RAVER2: variants seen among roughly 807,000 people sequenced by gnomAD.
The protein encoded by RAVER2 is ribonucleoprotein, PTB binding 2, also known as ribonucleoprotein PTB-binding 2.
RAVER2 carries 46 observed loss-of-function variants against 78.1 expected under a neutral mutation model. That is an observed-to-expected ratio of 0.59 (90% CI 0.46 to 0.75). The LOEUF is 0.75. Ranked by LOEUF, RAVER2 falls within the 30% of genes least tolerant of loss-of-function variation. The probability of loss-of-function intolerance (pLI) is 0.00; values close to 1 mark genes in which losing one functional copy is unlikely to be tolerated. For missense variants in RAVER2, 793 were observed against 837.5 expected, an observed-to-expected ratio of 0.95 and a Z score of 0.66; for synonymous variants, 311 against 313.3, an observed-to-expected ratio of 0.99 and a Z score of 0.08.
intron 4 of RAVER2, among the ~76,000 whole-genome samples, chr1:64,786,909 T>C (rs986400154): frequency 2.6e-5 from 4 of 152,256 alleles, no homozygotes; most frequent in African/African-American, 4.8e-5. Context: ...CTTCAGTTTC[T>C]TTATCTATAG....
intron 1 of RAVER2, among the ~76,000 whole-genome samples, chr1:64,755,607 T>C (rs1216561552): frequency 6.6e-6 from 1 of 152,024 alleles, no homozygotes; most frequent in Non-Finnish European, 1.5e-5. Context: ...GATTATCTGC[T>C]CTTAGTTCCT....
At chr1:64,806,390 G>C (rs1042081620) in intron 8 of RAVER2, among the ~76,000 whole-genome samples, 2 of 152,138 alleles carry the variant, frequency 1.3e-5, no homozygotes, top group Admixed American at 1.3e-4. Context: ...CAGCCTTGGC[G>C]ATGGGAATGA....
At chr1:64,779,985 T>C (rs888463694) in intron 3 of RAVER2, among the ~76,000 whole-genome samples, 3 of 152,118 alleles carry the variant, frequency 2.0e-5, no homozygotes, top group Non-Finnish European at 4.4e-5. Flanking sequence ...CTGAAACTAC[T>C]GATGCCGTGG....
chr1:64,756,024 T>TAATA (rs1254492496), intron 1 of RAVER2, among the ~76,000 whole-genome samples: 1 of 152,116 alleles, frequency 6.6e-6, no homozygotes, highest in Non-Finnish European at 1.5e-5. Flanking sequence ...CAGATGCATT[T>TAATA]AAGCTTTGGC....
chr1:64,791,159 T>G (rs1652929591), intron 5 of RAVER2, among the ~76,000 whole-genome samples: 1 of 152,208 alleles, frequency 6.6e-6, no homozygotes, highest in African/African-American at 2.4e-5. Context: ...AATGCAGAGC[T>G]TCTGTGTCCT....
intron 3 of RAVER2, among the ~76,000 whole-genome samples, chr1:64,779,788 G>A (rs771901786): frequency 2.0e-5 from 3 of 151,064 alleles, no homozygotes; most frequent in Admixed American, 6.6e-5. Flanking sequence ...GAACCCCCCC[G>A]AGTTGGAAGA....
intron 9 of RAVER2, among the ~76,000 whole-genome samples, chr1:64,808,197 TATA>T (rs1653499759): frequency 6.6e-6 from 1 of 152,156 alleles, no homozygotes; most frequent in African/African-American, 2.4e-5. Context: ...CACTGATATT[TATA>T]AATGTTGTAA....
intron 11 of RAVER2, among the ~76,000 whole-genome samples, chr1:64,826,889 C>T (rs932877808): frequency 3.3e-5 from 5 of 152,090 alleles, no homozygotes; most frequent in African/African-American, 1.2e-4. Context: ...AGAGAGGAGC[C>T]AAGTCCCCAA....
intron 11 of RAVER2, among the ~76,000 whole-genome samples, chr1:64,822,493 G>C (rs1481617100): frequency 6.6e-6 from 1 of 152,202 alleles, no homozygotes; most frequent in Non-Finnish European, 1.5e-5. Context: ...TATCCAGTCT[G>C]AGAAACTGAA....
chr1:64,830,919 C>A, exon 12 of RAVER2: 6 of 1,613,750 alleles, frequency 3.7e-6, no homozygotes, highest in Non-Finnish European at 5.1e-6. Flanking sequence ...AATGTGTTGA[C>A]CAGCATTCTC....
At chr1:64,770,866 A>G (rs1275293068) in intron 2 of RAVER2, among the ~76,000 whole-genome samples, 2 of 151,986 alleles carry the variant, frequency 1.3e-5, no homozygotes, top group Non-Finnish European at 2.9e-5. Flanking sequence ...CTTGAAAACA[A>G]TGATGTAAGT....
At chr1:64,810,608 G>A (rs921540464) in intron 9 of RAVER2, among the ~76,000 whole-genome samples, 1 of 152,176 alleles carries the variant, frequency 6.6e-6, no homozygotes, top group South Asian at 2.1e-4. Flanking sequence ...AGTTCGTAGT[G>A]ATAGCCATCC....
chr1:64,806,343 C>T (rs1040639212), intron 8 of RAVER2, among the ~76,000 whole-genome samples: 1 of 152,038 alleles, frequency 6.6e-6, no homozygotes, highest in African/African-American at 2.4e-5. Context: ...CCCAGGAAGT[C>T]GAGGCTGCAG....
At chr1:64,765,727 CATAAT>C (rs772414268) in intron 1 of RAVER2, among the ~76,000 whole-genome samples, 3 of 152,084 alleles carry the variant, frequency 2.0e-5, no homozygotes, top group Non-Finnish European at 2.9e-5. Flanking sequence ...TATTACTACT[CATAAT>C]ATATGTTTGG....
intron 11 of RAVER2, among the ~76,000 whole-genome samples, chr1:64,822,574 C>G (rs1653915016): frequency 6.6e-6 from 1 of 152,182 alleles, no homozygotes; most frequent in Non-Finnish European, 1.5e-5. Flanking sequence ...AATCCTCATA[C>G]AGTGCTGGGG....
chr1:64,749,469 C>T (rs928805417), intron 1 of RAVER2, among the ~76,000 whole-genome samples: 1 of 152,212 alleles, frequency 6.6e-6, no homozygotes, highest in African/African-American at 2.4e-5. Flanking sequence ...CCTCGGCCTC[C>T]CAAAGTGCTG....
chr1:64,813,353 T>TA (rs1455336732), intron 10 of RAVER2, among the ~76,000 whole-genome samples: 1 of 152,206 alleles, frequency 6.6e-6, no homozygotes, highest in Non-Finnish European at 1.5e-5. Flanking sequence ...GGGGAATGCT[T>TA]AAATAGTTCA....
chr1:64,755,704 C>T lies in RAVER2; in HGVS notation c.249+10283C>T, dbSNP rs1651832472. 2.5e-5 allele frequency among the ~76,000 whole-genome samples: 3 copies of T among 118,070 alleles called. No individual in the cohort carries two copies. The South Asian group carries it at 8.3e-4, about 33-fold the overall frequency. The allele number at this position is 118,070 out of a possible 152,430, so 77.5% of individuals were successfully genotyped here. On this transcript the variant is annotated intron_variant, in intron 1 of 11. Transcript: ENST00000294428. ...TTCGATTCCAAAGTAATCTCCATTTCTCTGACTTTATGCTTCATAGTTTTT... is the reference window on the plus strand; with the variant it reads ...TTCGATTCCAAAGTAATCTCCATTTTTCTGACTTTATGCTTCATAGTTTTT...
chr1:64,785,329 T>C (rs1652747517), intron 4 of RAVER2, among the ~76,000 whole-genome samples: 1 of 152,138 alleles, frequency 6.6e-6, no homozygotes, highest in South Asian at 2.1e-4. Flanking sequence ...AGTTACACAT[T>C]CTATCTCTAT....
Sources: gnomAD v4.1 joint callset for allele counts (sites outside exome capture counted in the v4.1 genomes callset) on GRCh38, gnomAD v4.1.1 for gene constraint, MANE v1.5 for transcripts, NCBI Gene and HGNC (gene_info 2026-07-23, HGNC 2026-07-21) for gene names.